EHMT1: variants seen among roughly 807,000 people sequenced by gnomAD.
EHMT1 encodes the protein euchromatic histone lysine methyltransferase 1, also known as histone-lysine N-methyltransferase EHMT1.
In EHMT1, 15 loss-of-function variants were observed where a neutral mutation model predicts 147.2. The ratio of observed to expected loss-of-function variants is 0.10; its 90% confidence interval spans 0.07 to 0.16. EHMT1 has a LOEUF of 0.16. EHMT1 is among the 10% of genes least tolerant of loss of function. EHMT1 has a pLI of 1.00. For synonymous variants in EHMT1, 795 were observed against 709.6 expected (o/e 1.12, Z -1.91); for missense variants, 1,587 against 1,772.4 (o/e 0.90, Z 1.88).
chr9:137,743,242 C>T, intron 4 of EHMT1, 129 bp from the exon 5 acceptor site: 1 of 1,175,668 alleles, frequency 8.5e-7, no homozygotes, highest in Non-Finnish European at 1.2e-6. Flanking sequence ...GGCAGTGGGC[C>T]TGTTGTGATG....
At chr9:137,730,924 C>T (rs1177970801) in intron 4 of EHMT1, among the ~76,000 whole-genome samples, 3 of 152,172 alleles carry the variant, frequency 2.0e-5, no homozygotes, top group South Asian at 2.1e-4. Flanking sequence ...TGCTATTTGA[C>T]GTAATTTTAT....
At chr9:137,768,311 T>C (rs12551291) in intron 10 of EHMT1, among the ~76,000 whole-genome samples, 1 of 151,498 alleles carries the variant, frequency 6.6e-6, no homozygotes, top group Non-Finnish European at 1.5e-5. Context: ...TTTCCACTTA[T>C]ACCATCTGTT....
At chr9:137,780,763 G>T (rs1172069138) in intron 14 of EHMT1, among the ~76,000 whole-genome samples, 1 of 99,516 alleles carries the variant, frequency 1.0e-5, no homozygotes, top group Non-Finnish European at 1.9e-5. Context: ...GATGACGCTG[G>T]GATGTGTGGT....
chr9:137,721,530 A>C (rs1588365421), intron 3 of EHMT1, among the ~76,000 whole-genome samples: 1 of 81,258 alleles, frequency 1.2e-5, no homozygotes, highest in Non-Finnish European at 2.4e-5. Context: ...CACGCCTCTC[A>C]CCCTCTCCCA....
chr9:137,736,465 A>T (rs1275648563), intron 4 of EHMT1, among the ~76,000 whole-genome samples: 2 of 152,260 alleles, frequency 1.3e-5, no homozygotes, highest in African/African-American at 4.8e-5. Flanking sequence ...ACCATAAGCC[A>T]ACTAGATTTA....
At chr9:137,744,811 C>G (rs541142557) in intron 6 of EHMT1, among the ~76,000 whole-genome samples, 4 of 152,396 alleles carry the variant, frequency 2.6e-5, no homozygotes, top group African/African-American at 9.6e-5. Context: ...CAAGGACAAG[C>G]ACCAGCACGG....
At chr9:137,744,644 T>C (rs1225115676) in intron 6 of EHMT1, among the ~76,000 whole-genome samples, 1 of 152,222 alleles carries the variant, frequency 6.6e-6, no homozygotes, top group Admixed American at 6.5e-5. Context: ...GGCTCTAGAT[T>C]GACAGGAATG....
At chr9:137,657,080 T>C (rs1372006130) in intron 1 of EHMT1, among the ~76,000 whole-genome samples, 1 of 152,170 alleles carries the variant, frequency 6.6e-6, no homozygotes, top group Non-Finnish European at 1.5e-5. Flanking sequence ...AAGTGCAAGG[T>C]ACCTGCTCCA....
At chr9:137,693,152 C>T (rs916042393) in intron 1 of EHMT1, among the ~76,000 whole-genome samples, 9 of 152,136 alleles carry the variant, frequency 5.9e-5, no homozygotes, top group East Asian at 1.9e-4. Flanking sequence ...GGCTGAGGGC[C>T]GGAGCCACAG....
chr9:137,774,960 G>C (rs1043467620), intron 10 of EHMT1, 149 bp from the exon 11 acceptor site: 4 of 1,123,946 alleles, frequency 3.6e-6, no homozygotes, highest in Non-Finnish European at 5.3e-6. Flanking sequence ...ATAAGTGCTT[G>C]CAAAGCCAAG....
At chr9:137,762,903 G>A (rs747041329) in intron 10 of EHMT1, 83 bp downstream of exon 10, 106 of 1,582,796 alleles carry the variant, frequency 6.7e-5, no homozygotes, top group Non-Finnish European at 8.6e-5. Flanking sequence ...ACAGCCCCTC[G>A]AGTGAGTTGT....
rs749957803 is a variant in EHMT1, at chr9:137,754,197, A to G, written c.1275A>G (p.Lys425=). Residue 425 remains lysine, a synonymous_variant, in exon 8 of 27, where the codon AAA becomes AAG. Coordinates refer to ENST00000460843, the MANE Select transcript of EHMT1 (RefSeq NM_024757.5). ...DLSSESSIKK[K]FLKRKGKTDS... is the part of the protein sequence containing the mutation. ...GTTCGGAATCCAGCATTAAGAAGAA[A>G]TTTCTCAAGAGGAAAGGAAAGACCG... 1.2e-6 allele frequency: 2 copies of G among 1,614,142 alleles called. No homozygotes were observed. The highest frequency in any genetic ancestry group is 1.1e-5 in the South Asian group (1 of 91,078).
chr9:137,677,659 G>C (rs1051742610), intron 1 of EHMT1, among the ~76,000 whole-genome samples: 1 of 151,962 alleles, frequency 6.6e-6, no homozygotes, highest in African/African-American at 2.4e-5. Flanking sequence ...TTTAATGAAG[G>C]GGGTACACAG....
chr9:137,822,860 TG>T (rs1588896538), intron 25 of EHMT1, among the ~76,000 whole-genome samples: 1 of 149,146 alleles, frequency 6.7e-6, no homozygotes, highest in East Asian at 2.0e-4. Context: ...GCCATTGCAC[TG>T]TAGGCCTGGG....
intron 1 of EHMT1, among the ~76,000 whole-genome samples, chr9:137,664,606 A>G (rs926754368): frequency 5.9e-5 from 9 of 151,986 alleles, no homozygotes; most frequent in Admixed American, 3.9e-4. Flanking sequence ...TGCCAGTTCA[A>G]TAAGTGGAAA....
At chr9:137,669,392 CG>C (rs1940193231) in intron 1 of EHMT1, among the ~76,000 whole-genome samples, 1 of 117,726 alleles carries the variant, frequency 8.5e-6, no homozygotes, top group African/African-American at 3.3e-5. Flanking sequence ...CCACCCAAGA[CG>C]CCCCCCACAG....
chr9:137,679,822 G>T (rs1254302595), intron 1 of EHMT1, among the ~76,000 whole-genome samples: 10 of 152,096 alleles, frequency 6.6e-5, no homozygotes, highest in Non-Finnish European at 1.3e-4. Flanking sequence ...CTTTTCCTTT[G>T]TGATTTCTGA....
intron 3 of EHMT1, among the ~76,000 whole-genome samples, chr9:137,719,887 C>T (rs1334412086): frequency 8.7e-6 from 1 of 115,412 alleles, no homozygotes; most frequent in East Asian, 2.6e-4. Context: ...GTCGAGGTGC[C>T]GAACCCCCTC....
At chr9:137,710,752 A>T (rs930511384) in intron 1 of EHMT1, among the ~76,000 whole-genome samples, 12 of 152,204 alleles carry the variant, frequency 7.9e-5, no homozygotes, top group Non-Finnish European at 1.8e-4. Flanking sequence ...TGTCTTCAAA[A>T]ATAGAAATAC....
Sources: allele counts gnomAD v4.1 joint callset (sites outside exome capture counted in the v4.1 genomes callset), GRCh38; gene constraint gnomAD v4.1.1; transcripts MANE v1.5; gene names NCBI Gene and HGNC (gene_info 2026-07-23, HGNC 2026-07-21).